The following RAD51B variants were observed in gnomAD, a reference collection of about 807,000 sequenced individuals.
RAD51B encodes DNA repair protein RAD51 homolog 2.
Under a neutral mutation model 42.2 loss-of-function variants are expected in RAD51B, and 38 were observed. The observed-to-expected ratio is 0.90, with a 90% CI of 0.70 to 1.18. The LOEUF is 1.18. RAD51B is among the 50% of genes most tolerant of loss of function. The pLI, the probability that RAD51B is intolerant of heterozygous loss-of-function variation, is 0.00. For missense variants in RAD51B, 373 were observed against 400.7 expected (o/e 0.93, Z 0.59); for synonymous variants, 154 against 145.2 (o/e 1.06, Z -0.43).
At chr14:68,683,018 C>T (rs1320542792) in intron 11 of RAD51B, 2 of 927,330 alleles carry the variant, frequency 2.2e-6, no homozygotes, top group Non-Finnish European at 2.6e-6. Context: ...TATCCTGTCA[C>T]AAAGGACCCC....
chr14:67,861,141 C>T (rs916909937), intron 4 of RAD51B, among the ~76,000 whole-genome samples: 3 of 151,964 alleles, frequency 2.0e-5, no homozygotes, highest in East Asian at 1.9e-4. Context: ...TGCAGTGAGC[C>T]GTGATCATGG....
At chr14:67,877,195 A>G (rs2042754750) in intron 5 of RAD51B, among the ~76,000 whole-genome samples, 1 of 152,152 alleles carries the variant, frequency 6.6e-6, no homozygotes, top group Non-Finnish European at 1.5e-5. Context: ...ATAATATTTT[A>G]TAAATTAGAG....
intron 8 of RAD51B, among the ~76,000 whole-genome samples, chr14:68,329,690 A>G (rs1410269778): frequency 2.6e-5 from 4 of 152,222 alleles, no homozygotes; most frequent in South Asian, 2.1e-4. Flanking sequence ...AATGTTAAAA[A>G]TATTTTTTGG....
chr14:68,332,424 G>C (rs1402876545), intron 8 of RAD51B, among the ~76,000 whole-genome samples: 4 of 152,184 alleles, frequency 2.6e-5, no homozygotes, highest in African/African-American at 9.7e-5. Context: ...AGGCTTGACA[G>C]AGATCATTAT....
chr14:68,316,165 A>G (rs1321374645), intron 8 of RAD51B, among the ~76,000 whole-genome samples: 1 of 152,242 alleles, frequency 6.6e-6, no homozygotes, highest in African/African-American at 2.4e-5. Flanking sequence ...AGACATTTGT[A>G]TGATCTATGT....
In RAD51B at chr14:67,924,000, T is replaced by C. The variant is rs532897724; in HGVS notation, c.756+36796T>C. 7.2e-5 allele frequency among the ~76,000 whole-genome samples: 11 copies of C among 152,364 alleles called. No individual in the cohort carries two copies. In the South Asian group the frequency reaches 2.3e-3, roughly 32 times the overall value. On this transcript the variant is annotated intron_variant, in intron 7 of 10. Coordinates refer to ENST00000471583, the MANE Select transcript of RAD51B (RefSeq NM_133510.4). ...TAGTGATGTTGAGCATTTTTTCATATGCTTGTCGGCCATTTGTATATCTTC... is the reference window on the plus strand; with the variant it reads ...TAGTGATGTTGAGCATTTTTTCATACGCTTGTCGGCCATTTGTATATCTTC...
At chr14:67,852,310 G>A (rs577209060) in intron 4 of RAD51B, among the ~76,000 whole-genome samples, 28 of 152,340 alleles carry the variant, frequency 1.8e-4, no homozygotes, top group Non-Finnish European at 2.8e-4. Flanking sequence ...CTAGAGCTAC[G>A]CGAAAAAACC....
chr14:68,171,274 A>C (rs964170291), intron 7 of RAD51B, among the ~76,000 whole-genome samples: 1 of 152,140 alleles, frequency 6.6e-6, no homozygotes, highest in African/African-American at 2.4e-5. Context: ...AGGATTCAAG[A>C]CTACAGCGTC....
intron 8 of RAD51B, among the ~76,000 whole-genome samples, chr14:68,293,783 A>ATCCC (rs765834395): frequency 6.2e-4 from 95 of 152,328 alleles, no homozygotes; most frequent in Non-Finnish European, 1.2e-3. Flanking sequence ...CTAGAAAATT[A>ATCCC]ATTTAACTTT....
Position 67,892,339 on chromosome 14 carries a change from T to C in RAD51B, c.756+5135T>C, listed in dbSNP as rs567094366. On this transcript the variant is annotated intron_variant, in intron 7 of 10. Transcript: ENST00000471583. ...TATGACTTCTGAAACTTTGTTTTTA[T>C]TGTTTCTAGCAAAAACCTAGAAACA... Among the ~76,000 whole-genome samples, 123 of 152,366 alleles carry C rather than the reference T, an allele frequency of 8.1e-4. 1 individual carries two copies. Among genetic ancestry groups the C allele is most frequent in the African/African-American group, 2.9e-3 (121 of 41,594 alleles).
At chr14:67,998,837 A>G (rs1003325455) in intron 7 of RAD51B, among the ~76,000 whole-genome samples, 8 of 152,178 alleles carry the variant, frequency 5.3e-5, no homozygotes, top group East Asian at 3.9e-4. Flanking sequence ...ATTAACATTC[A>G]TGGTACTTTG....
chr14:68,043,493 C>G (rs1316852044), intron 7 of RAD51B, among the ~76,000 whole-genome samples: 4 of 152,130 alleles, frequency 2.6e-5, no homozygotes, highest in Non-Finnish European at 5.9e-5. Context: ...TAAGTACCAA[C>G]TTTTTCTTAG....
At chr14:67,829,653 T>C (rs567333448) in intron 3 of RAD51B, among the ~76,000 whole-genome samples, 3 of 152,170 alleles carry the variant, frequency 2.0e-5, no homozygotes, top group African/African-American at 7.2e-5. Context: ...CTTCAGGAAA[T>C]TTTTTTTGCT....
At chr14:68,416,558 C>G (rs2084565900) in intron 9 of RAD51B, among the ~76,000 whole-genome samples, 2 of 152,220 alleles carry the variant, frequency 1.3e-5, no homozygotes, top group Non-Finnish European at 2.9e-5. Context: ...CGAAGGACTG[C>G]TTATTTAGAA....
intron 8 of RAD51B, among the ~76,000 whole-genome samples, chr14:68,326,384 T>TA (rs139393541): frequency 0.051 from 7,823 of 152,184 alleles, 600 homozygotes; most frequent in African/African-American, 0.17. Context: ...CAAGTAAACT[T>TA]ACTGTGTGTT....
intron 10 of RAD51B, chr14:68,563,444 AC>A: frequency 1.0e-6 from 1 of 985,492 alleles, no homozygotes; most frequent in South Asian, 4.7e-5. Flanking sequence ...CAGGGAAGTG[AC>A]AAGGTAACAG....
intron 11 of RAD51B, among the ~76,000 whole-genome samples, chr14:68,679,244 C>G (rs918249048): frequency 2.0e-5 from 3 of 152,106 alleles, no homozygotes; most frequent in Non-Finnish European, 4.4e-5. Context: ...TTTATCCTCC[C>G]CATTTTGTAA....
At chr14:68,131,003 T>G (rs1595444140) in intron 7 of RAD51B, among the ~76,000 whole-genome samples, 1 of 152,212 alleles carries the variant, frequency 6.6e-6, no homozygotes, top group African/African-American at 2.4e-5. Flanking sequence ...TTTATACAAA[T>G]GTATTTAGCT....
At chr14:68,353,658 G>A (rs2082835295) in intron 8 of RAD51B, among the ~76,000 whole-genome samples, 1 of 152,232 alleles carries the variant, frequency 6.6e-6, no homozygotes, top group Admixed American at 6.5e-5. Flanking sequence ...AAACGTGGAG[G>A]CAGAGGTGCA....
Sources: allele counts gnomAD v4.1 joint callset (sites outside exome capture counted in the v4.1 genomes callset), GRCh38; gene constraint gnomAD v4.1.1; transcripts MANE v1.5; gene names NCBI Gene and HGNC (gene_info 2026-07-23, HGNC 2026-07-21).